The following CUL2 variants were observed in gnomAD, a reference collection of about 807,000 sequenced individuals.
The protein encoded by CUL2 is cullin 2, also known as cullin-2.
CUL2 carries 22 observed loss-of-function variants against 110.2 expected under a neutral mutation model. That is an observed-to-expected ratio of 0.20 (90% confidence interval 0.14 to 0.28). The LOEUF (loss-of-function observed/expected upper bound fraction) is 0.28, where lower values mean the gene tolerates loss of function less well. Ranked by LOEUF, CUL2 falls within the 10% of genes least tolerant of loss-of-function variation. The pLI is 1.00. For missense variants in CUL2, 631 were observed against 905.5 expected, an observed-to-expected ratio of 0.70 and a Z score of 3.89; for synonymous variants, 279 against 293.2, an observed-to-expected ratio of 0.95 and a Z score of 0.49.
intron 20 of CUL2, among the ~76,000 whole-genome samples, chr10:35,011,497 A>G (rs879709569): frequency 2.6e-5 from 4 of 152,060 alleles, no homozygotes; most frequent in Non-Finnish European, 5.9e-5. Flanking sequence ...GCACGCCTGT[A>G]TTCCCAACTA....
intron 9 of CUL2, among the ~76,000 whole-genome samples, chr10:35,037,251 A>G (rs768397912): frequency 1.3e-5 from 2 of 152,152 alleles, no homozygotes; most frequent in African/African-American, 2.4e-5. Flanking sequence ...TGGATATCCA[A>G]TTGACTGAGC....
chr10:35,111,052 G>A (rs1189927920), intron 1 of CUL2, among the ~76,000 whole-genome samples: 1 of 152,110 alleles, frequency 6.6e-6, no homozygotes, highest in Admixed American at 6.6e-5. Flanking sequence ...TGTTGGATTA[G>A]ATAATTATTT....
chr10:35,036,599 CTTCT>C (rs1169354522), intron 9 of CUL2, among the ~76,000 whole-genome samples: 3 of 152,164 alleles, frequency 2.0e-5, no homozygotes, highest in South Asian at 2.1e-4. Flanking sequence ...CTACTTCACA[CTTCT>C]TTCTATGTTT....
rs182988685 is a variant in CUL2 at position 35,063,086 on chromosome 10, A to G, written c.120-24T>C. On this transcript the variant is annotated intron_variant, in intron 2 of 20. Coordinates refer to ENST00000374749, the MANE Select transcript of CUL2 (RefSeq NM_003591.4). Reference sequence around the variant, plus strand: ...CTCTAGTTAAATTATTAAGGTTTTCATATTTATTGGAGACAATTTTAAAAC... The same window carrying G: ...CTCTAGTTAAATTATTAAGGTTTTCGTATTTATTGGAGACAATTTTAAAAC... 394 of 1,280,666 alleles carry G rather than the reference A, an allele frequency of 3.1e-4. 1 individual carries two copies. The East Asian group carries it at 8.6e-3, about 28-fold the overall frequency. The allele number at this position is 1,280,666 out of a possible 1,614,324, so 79.3% of individuals were successfully genotyped here.
At chr10:35,058,331 TA>T (rs2086294578) in intron 4 of CUL2, among the ~76,000 whole-genome samples, 1 of 152,178 alleles carries the variant, frequency 6.6e-6, no homozygotes, top group Non-Finnish European at 1.5e-5. Context: ...AAACATTATA[TA>T]TTAGCCAGAC....
chr10:35,117,397 G>A (rs1185435544), intron 1 of CUL2, among the ~76,000 whole-genome samples: 1 of 152,028 alleles, frequency 6.6e-6, no homozygotes, highest in Non-Finnish European at 1.5e-5. Context: ...ACCATGCCTG[G>A]CATTTTATTT....
chr10:35,029,694 A>G, intron 14 of CUL2, 54 bp from the exon 15 acceptor site: 1 of 1,325,840 alleles, frequency 7.5e-7, no homozygotes, highest in East Asian at 2.5e-5. Context: ...AATAAGTCAT[A>G]TTGGTTAATA....
chr10:35,035,107 C>A, intron 10 of CUL2, 65 bp downstream of exon 10: 3 of 1,574,382 alleles, frequency 1.9e-6, no homozygotes, highest in South Asian at 2.3e-5. Context: ...ACAATAAAGT[C>A]AAAGGAAAGG....
At position 35,031,281 on chromosome 10, in the gene CUL2, C is replaced by T. The variant is rs2085474291; in HGVS notation, c.1386+19G>A. 2.7e-6 allele frequency: 4 copies of T among 1,465,182 alleles called. No individual in the cohort carries two copies. Among genetic ancestry groups the T allele is most frequent in the Admixed American group, 2.0e-5 (1 of 51,096 alleles). 90.8% of individuals were successfully genotyped at this position (1,465,182 alleles called of 1,614,324 possible). A position where few individuals can be genotyped will look rare whatever the true frequency, so the allele number is the denominator to read the frequency against. On this transcript the variant is annotated intron_variant, in intron 14 of 20. Transcript: ENST00000374749. The surrounding 1 kb of genome is among the most constrained non-coding windows in gnomAD (Gnocchi z 4.4). ...TGAATGAATTTCTAGGACAATACCA[C>T]ATTAAAGACTTACATTACCTTTAAT...
intron 9 of CUL2, among the ~76,000 whole-genome samples, chr10:35,036,190 A>T (rs1371366467): frequency 6.6e-6 from 1 of 152,234 alleles, no homozygotes; most frequent in Non-Finnish European, 1.5e-5. Flanking sequence ...AACTACGTAT[A>T]AAAATGGGAT....
chr10:35,036,182 C>T (rs559644668), intron 9 of CUL2, among the ~76,000 whole-genome samples: 14 of 152,306 alleles, frequency 9.2e-5, no homozygotes, highest in African/African-American at 3.4e-4. Context: ...TGAGTTTGAA[C>T]TACGTATAAA....
intron 17 of CUL2, among the ~76,000 whole-genome samples, chr10:35,017,884 A>G (rs2085077518): frequency 1.3e-5 from 2 of 151,792 alleles, no homozygotes; most frequent in African/African-American, 4.8e-5. Context: ...TTAAAAAAAA[A>G]AAAAAAGAAA....
chr10:35,041,574 C>T (rs1357590310), intron 8 of CUL2, among the ~76,000 whole-genome samples: 2 of 152,172 alleles, frequency 1.3e-5, no homozygotes, highest in African/African-American at 4.8e-5. Flanking sequence ...ATCTCGCTCT[C>T]TGGCCCAGGC....
At chr10:35,110,675 G>A (rs1205738343) in intron 1 of CUL2, among the ~76,000 whole-genome samples, 2 of 152,168 alleles carry the variant, frequency 1.3e-5, no homozygotes, top group Non-Finnish European at 2.9e-5. Flanking sequence ...TAAGGGAGGA[G>A]TCTGTTGCAG....
At chr10:35,077,314 A>AAAAC in intron 1 of CUL2, among the ~76,000 whole-genome samples, 1 of 146,706 alleles carries the variant, frequency 6.8e-6, no homozygotes, top group South Asian at 2.2e-4. Context: ...ACAAAAAACA[A>AAAAC]AAACAAACAA....
chr10:35,032,049 C>T (rs73258711), intron 12 of CUL2, among the ~76,000 whole-genome samples: 118 of 152,114 alleles, frequency 7.8e-4, no homozygotes, highest in African/African-American at 2.7e-3. Flanking sequence ...AGGTGAGTTT[C>T]GAGTGGTTTT....
intron 5 of CUL2, 83 bp downstream of exon 5, chr10:35,054,351 T>C (rs1026196171): frequency 4.8e-5 from 35 of 734,186 alleles, no homozygotes; most frequent in Non-Finnish European, 6.2e-5. Flanking sequence ...CAAATCAGTG[T>C]CCTTAAAAAA....
chr10:35,044,300 T>C (rs1564717441), intron 8 of CUL2, among the ~76,000 whole-genome samples: 1 of 152,128 alleles, frequency 6.6e-6, no homozygotes, highest in African/African-American at 2.4e-5. Flanking sequence ...TGTGCATATA[T>C]ATTAATTTCA....
At chr10:35,105,541 T>TA (rs1051249205) in intron 1 of CUL2, among the ~76,000 whole-genome samples, 3 of 142,056 alleles carry the variant, frequency 2.1e-5, no homozygotes, top group East Asian at 4.2e-4. Context: ...CCGTCTCTAC[T>TA]AAAAAAATAC....
Sources: allele counts gnomAD v4.1 joint callset (sites outside exome capture counted in the v4.1 genomes callset), GRCh38; gene constraint gnomAD v4.1.1; non-coding constraint Gnocchi (gnomAD v3.1); transcripts MANE v1.5; gene names NCBI Gene and HGNC (gene_info 2026-07-23, HGNC 2026-07-21).